The following CRISPLD1 variants were observed in gnomAD, a reference collection of about 807,000 sequenced individuals.
CRISPLD1 encodes the protein cysteine-rich secretory protein LCCL domain-containing 1.
Under a neutral mutation model 77.5 loss-of-function variants are expected in CRISPLD1, and 60 were observed. That is an observed-to-expected ratio of 0.77 (90% CI 0.63 to 0.96). CRISPLD1 has a LOEUF of 0.96. Among genes scored for constraint, CRISPLD1 ranks in the 40% least tolerant of loss-of-function variants. The pLI, the probability that CRISPLD1 is intolerant of heterozygous loss-of-function variation, is 0.00. For missense variants in CRISPLD1, 623 were observed against 615.8 expected (o/e 1.01, Z -0.12); for synonymous variants, 195 against 200.1 (o/e 0.97, Z 0.22).
At chr8:75,030,680 A>ATATG (rs1554535315) in intron 14 of CRISPLD1, among the ~76,000 whole-genome samples, 4 of 146,466 alleles carry the variant, frequency 2.7e-5, no homozygotes, top group Non-Finnish European at 6.1e-5. Context: ...CCGGAGATAT[A>ATATG]TGTGTGTGTG....
chr8:74,992,617 T>C (rs1812588202), intron 2 of CRISPLD1, among the ~76,000 whole-genome samples: 1 of 152,310 alleles, frequency 6.6e-6, no homozygotes, highest in East Asian at 1.9e-4. Flanking sequence ...TGTTTCCCTG[T>C]TTTTATGAGA....
chr8:75,014,146 C>G (rs915294461), intron 5 of CRISPLD1, 44 bp downstream of exon 5: 7 of 1,254,528 alleles, frequency 5.6e-6, no homozygotes, highest in Non-Finnish European at 8.2e-6. Flanking sequence ...TTTTTCTTAA[C>G]AAAATGAAAA....
Position 75,032,121 on chromosome 8 carries a change from A to G in CRISPLD1, c.1452-70A>G, listed in dbSNP as rs1813358557. 6 of 1,082,460 alleles carry G rather than the reference A, an allele frequency of 5.5e-6. No homozygotes were observed. In the Admixed American group the frequency reaches 1.2e-4, roughly 22 times the overall value. The allele number at this position is 1,082,460 out of a possible 1,614,324, so 67.1% of individuals were successfully genotyped here. On this transcript the variant is annotated intron_variant, in intron 14 of 14. Coordinates refer to ENST00000262207, the MANE Select transcript of CRISPLD1 (RefSeq NM_031461.6). The stretch of plus-strand genomic sequence containing the variant: ...GCTTTCTTGACTGTCATAAGAAAGC[A>G]TGATTTGTAAGAAGGATTATGTATA...
intron 2 of CRISPLD1, among the ~76,000 whole-genome samples, chr8:74,996,743 G>A (rs1445463071): frequency 3.5e-5 from 4 of 114,614 alleles, no homozygotes; most frequent in Non-Finnish European, 6.7e-5. Context: ...TTTTGAGATA[G>A]GATCTTGCTC....
At chr8:74,999,966 C>G (rs1563393616) in intron 2 of CRISPLD1, among the ~76,000 whole-genome samples, 1 of 150,162 alleles carries the variant, frequency 6.7e-6, no homozygotes, top group Non-Finnish European at 1.5e-5. Context: ...CAGAATAAAC[C>G]TTAAAGGCCA....
intron 2 of CRISPLD1, among the ~76,000 whole-genome samples, chr8:74,996,621 T>G (rs990686637): frequency 6.6e-6 from 1 of 151,402 alleles, no homozygotes; most frequent in African/African-American, 2.4e-5. Context: ...GGTTGGAATT[T>G]AACAAAGAAG....
chr8:75,032,150 A>T, intron 14 of CRISPLD1, 41 bp from the exon 15 acceptor site: 1 of 1,366,760 alleles, frequency 7.3e-7, no homozygotes, highest in East Asian at 2.3e-5. Flanking sequence ...ATGTATAGAG[A>T]TGACATCAAT....
At position 74,986,256 on chromosome 8, in the gene CRISPLD1, T is replaced by C; in HGVS notation, c.258+11T>C. The C allele has an allele frequency of 3.7e-6, 6 of 1,612,092 alleles. No individual in the cohort carries two copies. Among genetic ancestry groups the C allele is most frequent in the Non-Finnish European group, 5.1e-6 (6 of 1,178,306 alleles). Reference sequence around the variant, plus strand: ...AATATGGAGTATATGGTAAGGACATTTTTCAAGTGGTATGTACAAAAGAAA... The same window carrying C: ...AATATGGAGTATATGGTAAGGACATCTTTCAAGTGGTATGTACAAAAGAAA... On this transcript the variant is annotated intron_variant, in intron 2 of 14. Coordinates refer to ENST00000262207, the MANE Select transcript of CRISPLD1 (RefSeq NM_031461.6).
chr8:75,032,839 A>G lies in CRISPLD1; in HGVS notation c.*597A>G. The G allele has an allele frequency of 6.6e-6, 1 of 151,858 alleles. No individual in the cohort carries two copies. The highest frequency in any genetic ancestry group is 2.1e-4 in the South Asian group (1 of 4,830). The allele number at this position is 151,858 out of a possible 1,614,324, so 9.4% of individuals were successfully genotyped here. ...TTAATATCCAAATGAATCTGTTAAA[A>G]TGTTTGATTCCTTGGGAATGGCCTT... On this transcript the variant is annotated 3_prime_UTR_variant, in exon 15 of 15. Transcript: ENST00000262207.
chr8:75,012,472 G>A lies in CRISPLD1; in HGVS notation c.298G>A (p.Ala100Thr), dbSNP rs1192578723. The change falls in exon 3 of 15, where the codon GCT becomes ACT. Residue 100 changes from alanine to threonine, a missense_variant. By Grantham distance (58) the Ala-to-Thr change is moderately conservative. Coordinates refer to ENST00000262207, the MANE Select transcript of CRISPLD1 (RefSeq NM_031461.6). ...GCTGGAAAGATCTGCAGAATCCTGG[G>A]CTGAAAGTTGCTTGTGGGAACATGG... ...VELERSAESWAESCLWEHGPA... is the reference protein window; with the variant it reads ...VELERSAESWTESCLWEHGPA... 2 of 1,613,034 alleles carry A rather than the reference G, an allele frequency of 1.2e-6. No individual in the cohort carries two copies. Among genetic ancestry groups the A allele is most frequent in the South Asian group, 1.1e-5 (1 of 91,068 alleles).
chr8:75,003,772 G>A (rs1812784484), intron 2 of CRISPLD1, among the ~76,000 whole-genome samples: 1 of 152,030 alleles, frequency 6.6e-6, no homozygotes, highest in Non-Finnish European at 1.5e-5. Context: ...CCAAACTTGG[G>A]GCAGGGGACC....
At chr8:75,020,567 A>T (rs1357766854) in intron 12 of CRISPLD1, among the ~76,000 whole-genome samples, 1 of 152,202 alleles carries the variant, frequency 6.6e-6, no homozygotes, top group Admixed American at 6.5e-5. Flanking sequence ...TAAGGACACT[A>T]ATCCTATTGG....
chr8:74,990,639 T>C (rs1176805269), intron 2 of CRISPLD1, among the ~76,000 whole-genome samples: 2 of 147,498 alleles, frequency 1.4e-5, no homozygotes, highest in Admixed American at 6.6e-5. Context: ...TCCACAGATA[T>C]AATACTGCAC....
chr8:75,025,698 G>A (rs1813221828), intron 13 of CRISPLD1, 77 bp downstream of exon 13: 3 of 717,510 alleles, frequency 4.2e-6, no homozygotes, highest in South Asian at 3.8e-5. Context: ...ATGTGTATAT[G>A]TACATTTATA....
intron 7 of CRISPLD1, 78 bp downstream of exon 7, chr8:75,016,783 A>G: frequency 6.4e-7 from 1 of 1,555,474 alleles, no homozygotes; most frequent in Non-Finnish European, 8.7e-7. Flanking sequence ...TAATTTGAAC[A>G]TTTTTAGAAT....
chr8:75,014,151 T>G, intron 5 of CRISPLD1, 49 bp downstream of exon 5: 3 of 1,162,098 alleles, frequency 2.6e-6, no homozygotes, highest in Non-Finnish European at 3.9e-6. Context: ...CTTAACAAAA[T>G]GAAAATACCT....
At chr8:75,030,271 A>G (rs1013773811) in intron 14 of CRISPLD1, among the ~76,000 whole-genome samples, 1 of 152,166 alleles carries the variant, frequency 6.6e-6, no homozygotes, top group East Asian at 1.9e-4. Context: ...CGGGGTATCT[A>G]GATTACCTTC....
At chr8:74,987,600 CTG>C (rs1322573557) in intron 2 of CRISPLD1, among the ~76,000 whole-genome samples, 22 of 152,262 alleles carry the variant, frequency 1.4e-4, no homozygotes, top group African/African-American at 5.3e-4. Flanking sequence ...TCTCAAAATA[CTG>C]TGCAGGATAT....
chr8:75,009,845 GA>G (rs1395603014), intron 2 of CRISPLD1, among the ~76,000 whole-genome samples: 7 of 152,040 alleles, frequency 4.6e-5, no homozygotes, highest in African/African-American at 7.2e-5. Context: ...TTCTTCTTTG[GA>G]CAAATAGTGA....
Sources: gnomAD v4.1 joint callset for allele counts (sites outside exome capture counted in the v4.1 genomes callset) on GRCh38, gnomAD v4.1.1 for gene constraint, MANE v1.5 for transcripts, NCBI Gene and HGNC (gene_info 2026-07-23, HGNC 2026-07-21) for gene names.